The following ANO3 variants were observed in gnomAD, a reference collection of about 807,000 sequenced individuals.
The protein encoded by ANO3 is anoctamin-3.
A neutral mutation model predicts 144.8 loss-of-function variants in ANO3; 99 were observed. The ratio of observed to expected loss-of-function variants is 0.68; its 90% CI spans 0.58 to 0.81. The LOEUF is 0.81. Among genes scored for constraint, ANO3 ranks in the 30% least tolerant of loss-of-function variants. The pLI is 0.00. For synonymous variants in ANO3, 414 were observed against 392.6 expected (o/e 1.05, Z -0.64); for missense variants, 905 against 1,202.2 (o/e 0.75, Z 3.66).
chr11:26,622,846 G>A (rs1198235365), intron 17 of ANO3, among the ~76,000 whole-genome samples: 2 of 152,188 alleles, frequency 1.3e-5, no homozygotes, highest in African/African-American at 4.8e-5. Context: ...TTTGGCACAA[G>A]CCAAATGGCA....
chr11:26,491,503 A>G (rs976391234), intron 4 of ANO3, among the ~76,000 whole-genome samples: 2 of 152,208 alleles, frequency 1.3e-5, no homozygotes, highest in Non-Finnish European at 2.9e-5. Flanking sequence ...AGCTGGTACA[A>G]TCTGCCTCTG....
Position 26,410,613 on chromosome 11 carries a change from A to T in ANO3, c.47-31305A>T, listed in dbSNP as rs1384703037. Among the ~76,000 whole-genome samples the T allele has an allele frequency of 2.0e-5, 3 of 151,982 alleles. No individual in the cohort carries two copies. In the East Asian group the frequency reaches 5.8e-4, roughly 29 times the overall value. ...AATGAGGAAAGGATTGGAAGGAGAA[A>T]TGAGAATTGTCTGCAAATATTTGAA... is the stretch of plus-strand genomic sequence containing the variant. On this transcript the variant is annotated intron_variant, in intron 1 of 26. Coordinates refer to ENST00000256737, the MANE Select transcript of ANO3 (RefSeq NM_031418.4).
At chr11:26,506,846 A>G (rs992248378) in intron 4 of ANO3, among the ~76,000 whole-genome samples, 11 of 152,162 alleles carry the variant, frequency 7.2e-5, no homozygotes, top group African/African-American at 2.4e-4. Flanking sequence ...CTTAAACATC[A>G]GGTTGCTCTG....
At chr11:26,293,767 G>T (rs1164012014) in intron 1 of ANO3, among the ~76,000 whole-genome samples, 1 of 151,548 alleles carries the variant, frequency 6.6e-6, no homozygotes, top group East Asian at 1.9e-4. Flanking sequence ...AAACTTTCTT[G>T]GGCATCTACT....
chr11:26,269,782 T>C (rs929597077), intron 1 of ANO3, among the ~76,000 whole-genome samples: 1 of 152,310 alleles, frequency 6.6e-6, no homozygotes, highest in East Asian at 1.9e-4. Context: ...TTGACAGTTA[T>C]GAGCTAAATT....
intron 1 of ANO3, among the ~76,000 whole-genome samples, chr11:26,404,874 C>A (rs1565005338): frequency 6.6e-6 from 1 of 150,684 alleles, no homozygotes. Context: ...GATTACATTA[C>A]TAAATCTTGG....
intron 1 of ANO3, among the ~76,000 whole-genome samples, chr11:26,437,000 A>G (rs181927302): frequency 2.0e-5 from 3 of 152,166 alleles, no homozygotes; most frequent in Admixed American, 2.0e-4. Context: ...TCAACAGCTA[A>G]GTCTGCCAAA....
intron 1 of ANO3, among the ~76,000 whole-genome samples, chr11:26,407,194 G>C (rs1429038235): frequency 1.3e-5 from 2 of 150,674 alleles, no homozygotes; most frequent in African/African-American, 4.9e-5. Context: ...CTAAAATCAA[G>C]TGTTCCAGTT....
chr11:26,340,370 T>A (rs866150637), intron 1 of ANO3, among the ~76,000 whole-genome samples: 1 of 152,214 alleles, frequency 6.6e-6, no homozygotes, highest in South Asian at 2.1e-4. Flanking sequence ...ACACACTCCA[T>A]CACTACCTGA....
chr11:26,527,308 T>G (rs1211296219), intron 7 of ANO3, among the ~76,000 whole-genome samples: 1 of 152,134 alleles, frequency 6.6e-6, no homozygotes, highest in Non-Finnish European at 1.5e-5. Flanking sequence ...GTTTCTTATT[T>G]TCTGTGTAAG....
At chr11:26,652,366 G>A (rs1853560117) in intron 24 of ANO3, among the ~76,000 whole-genome samples, 1 of 151,982 alleles carries the variant, frequency 6.6e-6, no homozygotes, top group Admixed American at 6.6e-5. Flanking sequence ...AAGAAAAATT[G>A]AATCAATTAG....
At chr11:26,503,489 C>A (rs1001402991) in intron 4 of ANO3, among the ~76,000 whole-genome samples, 1 of 151,994 alleles carries the variant, frequency 6.6e-6, no homozygotes, top group African/African-American at 2.4e-5. Context: ...CACTATTAAC[C>A]TTAAAATGAT....
intron 4 of ANO3, among the ~76,000 whole-genome samples, chr11:26,491,244 G>C (rs1346193083): frequency 1.3e-5 from 2 of 152,074 alleles, no homozygotes; most frequent in Non-Finnish European, 2.9e-5. Context: ...GATTTTAAGG[G>C]TTAGTTATAA....
intron 4 of ANO3, among the ~76,000 whole-genome samples, chr11:26,469,684 T>C (rs1272213053): frequency 6.6e-6 from 1 of 151,844 alleles, no homozygotes; most frequent in African/African-American, 2.4e-5. Context: ...GTGTCAAAAT[T>C]CTGATAAAAT....
intron 1 of ANO3, among the ~76,000 whole-genome samples, chr11:26,345,008 G>A (rs1258318594): frequency 6.6e-6 from 1 of 152,014 alleles, no homozygotes; most frequent in Non-Finnish European, 1.5e-5. Flanking sequence ...TGAATACATA[G>A]ACAAGGATAT....
intron 1 of ANO3, among the ~76,000 whole-genome samples, chr11:26,217,148 T>C (rs1038592014): frequency 6.6e-6 from 1 of 152,076 alleles, no homozygotes; most frequent in Non-Finnish European, 1.5e-5. Context: ...CACGTGATCA[T>C]ATGGATTTTC....
intron 1 of ANO3, among the ~76,000 whole-genome samples, chr11:26,371,351 G>A (rs865889275): frequency 1.5e-4 from 23 of 152,324 alleles, no homozygotes; most frequent in Admixed American, 2.6e-4. Context: ...AAGATGCTTG[G>A]ACATGCCTGG....
At chr11:26,568,640 A>T (rs986693319) in intron 14 of ANO3, among the ~76,000 whole-genome samples, 1 of 152,116 alleles carries the variant, frequency 6.6e-6, no homozygotes, top group Admixed American at 6.6e-5. Flanking sequence ...ATAACTGTCT[A>T]TTATGGTTTC....
At chr11:26,510,129 T>C (rs1335720894) in intron 5 of ANO3, among the ~76,000 whole-genome samples, 6 of 52,120 alleles carry the variant, frequency 1.2e-4, no homozygotes, top group Middle Eastern at 0.011. Flanking sequence ...CGAGACTCCA[T>C]CTCAAAAAAA....
Sources: allele counts gnomAD v4.1 joint callset (sites outside exome capture counted in the v4.1 genomes callset), GRCh38; gene constraint gnomAD v4.1.1; transcripts MANE v1.5; gene names NCBI Gene and HGNC (gene_info 2026-07-23, HGNC 2026-07-21).